Variants in CTNNA2 observed in about 807,000 individuals in gnomAD.
The protein encoded by CTNNA2 is catenin alpha-2.
A neutral mutation model predicts 101.0 loss-of-function variants in CTNNA2; 42 were observed. That is an observed-to-expected ratio of 0.42 (90% CI 0.32 to 0.54). The LOEUF (loss-of-function observed/expected upper bound fraction) is 0.54. Ranked by LOEUF, CTNNA2 falls within the 20% of genes least tolerant of loss-of-function variation. The pLI is 0.14. For synonymous variants in CTNNA2, 450 were observed against 456.4 expected (o/e 0.99, Z 0.18); for missense variants, 871 against 1,223.1 (o/e 0.71, Z 4.29).
intron 7 of CTNNA2, among the ~76,000 whole-genome samples, chr2:80,151,216 C>T (rs1703674216): frequency 6.6e-6 from 1 of 152,360 alleles, no homozygotes; most frequent in South Asian, 2.1e-4. Flanking sequence ...TCCAAGCCAA[C>T]ACACTGCCTT....
At chr2:79,980,744 C>T (rs1374954687) in intron 7 of CTNNA2, among the ~76,000 whole-genome samples, 1 of 152,104 alleles carries the variant, frequency 6.6e-6, no homozygotes, top group Non-Finnish European at 1.5e-5. Context: ...GTTTTTCACA[C>T]TGCTTGTTTT....
At chr2:80,565,573 A>C (rs998359244) in intron 12 of CTNNA2, among the ~76,000 whole-genome samples, 1 of 137,510 alleles carries the variant, frequency 7.3e-6, no homozygotes, top group Admixed American at 7.7e-5. Flanking sequence ...GTTCTTTCCA[A>C]AAGAGACTAG....
chr2:80,263,491 T>A (rs1469125722), intron 7 of CTNNA2, among the ~76,000 whole-genome samples: 1 of 152,134 alleles, frequency 6.6e-6, no homozygotes, highest in Non-Finnish European at 1.5e-5. Context: ...CGTGCCACCA[T>A]GCCTGGCTAA....
chr2:79,832,287 A>C (rs1678988754), intron 3 of CTNNA2, among the ~76,000 whole-genome samples: 1 of 152,160 alleles, frequency 6.6e-6, no homozygotes, highest in Admixed American at 6.5e-5. Flanking sequence ...TACGTGATTA[A>C]TTTCCTATGG....
intron 15 of CTNNA2, among the ~76,000 whole-genome samples, chr2:80,596,397 C>T (rs1173028317): frequency 4.2e-5 from 6 of 141,894 alleles, no homozygotes; most frequent in Non-Finnish European, 9.0e-5. Context: ...GCAAGCTCCA[C>T]CTCCCGGGTT....
chr2:79,539,135 A>T (rs1349129190), intron 1 of CTNNA2, among the ~76,000 whole-genome samples: 2 of 152,216 alleles, frequency 1.3e-5, no homozygotes, highest in Non-Finnish European at 2.9e-5. Flanking sequence ...TGGGAGTCCA[A>T]GAAGACCATA....
chr2:79,639,618 C>G lies in CTNNA2; in HGVS notation c.-5-11934C>G, dbSNP rs551869714. ...TTGTCTAACTTTTAAGTAAAGATAT[C>G]TTAATATGAAAATTACTTTAAAAAT... On this transcript the variant is annotated intron_variant, in intron 1 of 18. Transcript: ENST00000402739. Among the ~76,000 whole-genome samples the G allele has an allele frequency of 5.9e-5, 9 of 151,840 alleles. No individual in the cohort carries two copies. The South Asian group carries it at 1.9e-3, about 32-fold the overall frequency.
intron 7 of CTNNA2, among the ~76,000 whole-genome samples, chr2:80,075,885 T>A (rs1698714171): frequency 6.6e-6 from 1 of 151,272 alleles, no homozygotes; most frequent in Non-Finnish European, 1.5e-5. Flanking sequence ...TCTAATAGAC[T>A]TCATTGACTA....
chr2:80,069,820 A>G (rs982081951), intron 7 of CTNNA2, among the ~76,000 whole-genome samples: 1 of 152,092 alleles, frequency 6.6e-6, no homozygotes, highest in African/African-American at 2.4e-5. Context: ...TTCTTCTACT[A>G]TGCATTCTGT....
At chr2:79,801,863 A>G (rs899058942) in intron 3 of CTNNA2, among the ~76,000 whole-genome samples, 7 of 151,826 alleles carry the variant, frequency 4.6e-5, no homozygotes, top group African/African-American at 1.5e-4. Flanking sequence ...GTGGTGGCAC[A>G]TGCCTGTAAT....
intron 7 of CTNNA2, among the ~76,000 whole-genome samples, chr2:80,266,008 A>C (rs143602494): frequency 6.6e-6 from 1 of 152,282 alleles, no homozygotes; most frequent in African/African-American, 2.4e-5. Flanking sequence ...TTTTGGTCAT[A>C]TTGGACTCTG....
At chr2:80,462,818 G>T (rs750970932) in intron 9 of CTNNA2, among the ~76,000 whole-genome samples, 1 of 151,332 alleles carries the variant, frequency 6.6e-6, no homozygotes, top group Non-Finnish European at 1.5e-5. Flanking sequence ...TTCTCTATTC[G>T]GTTTCTTTCT....
chr2:79,473,776 G>C (rs796272806), intron 4 of CTNNA2, among the ~76,000 whole-genome samples: 9 of 152,190 alleles, frequency 5.9e-5, no homozygotes, highest in African/African-American at 1.9e-4. Context: ...GAAACAATAT[G>C]ATTTTAGACA....
chr2:80,347,996 C>G (rs1362966386), intron 7 of CTNNA2, among the ~76,000 whole-genome samples: 2 of 152,014 alleles, frequency 1.3e-5, no homozygotes, highest in African/African-American at 4.8e-5. Flanking sequence ...TCAGTTCGAT[C>G]ATGATGGGTT....
At chr2:80,001,746 A>C (rs868812425) in intron 7 of CTNNA2, among the ~76,000 whole-genome samples, 16 of 152,190 alleles carry the variant, frequency 1.1e-4, no homozygotes, top group Non-Finnish European at 2.4e-4. Flanking sequence ...GCGGCCGGAC[A>C]CAGCCTCCTG....
chr2:80,306,408 C>CTTTTCT (rs1553488079), intron 7 of CTNNA2, among the ~76,000 whole-genome samples: 19 of 101,260 alleles, frequency 1.9e-4, no homozygotes, highest in African/African-American at 3.6e-4. Context: ...TCTTTTCTTT[C>CTTTTCT]TTTCTTTCTT....
chr2:79,696,808 G>C (rs750839249), intron 2 of CTNNA2, among the ~76,000 whole-genome samples: 1 of 151,988 alleles, frequency 6.6e-6, no homozygotes, highest in African/African-American at 2.4e-5. Context: ...ATCACTTGTT[G>C]TTGGAAGACT....
intron 3 of CTNNA2, among the ~76,000 whole-genome samples, chr2:79,856,038 T>A (rs2103937998): frequency 6.6e-6 from 1 of 152,304 alleles, no homozygotes; most frequent in Non-Finnish European, 1.5e-5. Context: ...ACACTTGGAT[T>A]GAGCTCTAGG....
At chr2:79,414,211 C>A (rs530388628) in intron 4 of CTNNA2, among the ~76,000 whole-genome samples, 10 of 151,942 alleles carry the variant, frequency 6.6e-5, no homozygotes, top group African/African-American at 2.4e-4. Flanking sequence ...AAATTGAGGG[C>A]AACAACTAGG....
Sources: allele counts gnomAD v4.1 joint callset (sites outside exome capture counted in the v4.1 genomes callset), GRCh38; gene constraint gnomAD v4.1.1; transcripts MANE v1.5; gene names NCBI Gene and HGNC (gene_info 2026-07-23, HGNC 2026-07-21).